The following CENPM variants were observed in gnomAD, a reference collection of about 807,000 sequenced individuals.
CENPM encodes centromere protein M.
Under a neutral mutation model 19.6 loss-of-function variants are expected in CENPM, and 14 were observed. That is an observed-to-expected ratio of 0.71 (90% CI 0.47 to 1.11). CENPM has a LOEUF of 1.11. CENPM is among the 50% of genes most tolerant of loss of function. The probability of loss-of-function intolerance (pLI) is 0.00; values close to 1 mark genes in which losing one functional copy is unlikely to be tolerated. For missense variants in CENPM, 239 were observed against 228.4 expected (o/e 1.05, Z -0.30); for synonymous variants, 114 against 101.5 (o/e 1.12, Z -0.74).
At chr22:41,936,442 G>A (rs965315374), downstream of CENPM, among the ~76,000 whole-genome samples, 5 of 152,350 alleles carry the variant, frequency 3.3e-5, no homozygotes, top group East Asian at 3.9e-4. Context: ...GGAGCCCAAG[G>A]GACTGCCAGG....
At chr22:41,936,998 C>G (rs2077686851), downstream of CENPM, among the ~76,000 whole-genome samples, 1 of 152,148 alleles carries the variant, frequency 6.6e-6, no homozygotes, top group Non-Finnish European at 1.5e-5. Context: ...AGGGCTTCAA[C>G]TGGGGTCCAT....
intron 3 of CENPM, 54 bp from the exon 4 acceptor site, chr22:41,945,358 C>T (rs574285264): frequency 4.4e-5 from 70 of 1,608,364 alleles, no homozygotes; most frequent in African/African-American, 2.7e-4. Context: ...AACTTTACAA[C>T]GGAGAAAGCA....
chr22:41,930,544 C>T, the CENPM span, among the ~76,000 whole-genome samples: 11 of 151,636 alleles, frequency 7.3e-5, no homozygotes, highest in African/African-American at 1.2e-4. Context: ...TCACTCTTAT[C>T]GCCCAGGCTG....
the CENPM span, among the ~76,000 whole-genome samples, chr22:41,929,093 G>A: frequency 6.6e-6 from 1 of 151,422 alleles, no homozygotes; most frequent in African/African-American, 2.4e-5. Flanking sequence ...GTGTGGGTGA[G>A]CGTGGGTGTA....
rs1334672877 is a variant in CENPM at position 41,943,706 on chromosome 22, AAAG to A, written c.311-8_311-6del. 1 of 1,612,952 alleles carries A rather than the reference AAAG, an allele frequency of 6.2e-7. No homozygotes were observed. ...TGCAGTGGCTCTCCCGCCCAGCTGG[AAAG>A]AAGCCATGAGTGCTATAGCTGCAAT... On this transcript the variant is annotated splice_polypyrimidine_tract_variant and splice_region_variant and intron_variant, in intron 4 of 5. Transcript: ENST00000215980.
At chr22:41,933,242 T>C in the CENPM span, among the ~76,000 whole-genome samples, 39 of 151,968 alleles carry the variant, frequency 2.6e-4, no homozygotes, top group Non-Finnish European at 5.3e-4. Flanking sequence ...CTGGTCCCAC[T>C]TTACAAAGAG....
chr22:41,946,935 G>C, intron 1 of CENPM, 85 bp downstream of exon 1: 1 of 1,400,392 alleles, frequency 7.1e-7, no homozygotes, highest in African/African-American at 1.4e-5. Flanking sequence ...CTGGCTTGGC[G>C]CCTCAGAGAG....
the CENPM span, among the ~76,000 whole-genome samples, chr22:41,931,024 C>T: frequency 6.7e-6 from 1 of 149,842 alleles, no homozygotes; most frequent in Non-Finnish European, 1.5e-5. Context: ...TTAGTAGAGA[C>T]GGGGCTTCAC....
At chr22:41,930,127 T>C in the CENPM span, among the ~76,000 whole-genome samples, 1 of 149,564 alleles carries the variant, frequency 6.7e-6, no homozygotes, top group South Asian at 2.1e-4. Context: ...GTATTTTTAG[T>C]AGAGACGGGG....
At chr22:41,945,069 C>T (rs915144909) in intron 4 of CENPM, 156 bp downstream of exon 4, 34 of 1,501,868 alleles carry the variant, frequency 2.3e-5, no homozygotes, top group Non-Finnish European at 2.9e-5. Flanking sequence ...TTTTCCAGAT[C>T]TTCTCCTTCT....
the CENPM span, among the ~76,000 whole-genome samples, chr22:41,927,437 T>C: frequency 6.6e-6 from 1 of 151,552 alleles, no homozygotes; most frequent in Non-Finnish European, 1.5e-5. Context: ...TCCCCTGCCA[T>C]CTCCCCCAAC....
At chr22:41,945,360 G>C (rs575003011) in intron 3 of CENPM, 56 bp from the exon 4 acceptor site, 2 of 1,607,252 alleles carry the variant, frequency 1.2e-6, no homozygotes, top group African/African-American at 2.7e-5. Flanking sequence ...CTTTACAACG[G>C]AGAAAGCAGA....
At chr22:41,934,733 G>A (rs1420866960), downstream of CENPM, among the ~76,000 whole-genome samples, 7 of 152,150 alleles carry the variant, frequency 4.6e-5, no homozygotes, top group African/African-American at 1.2e-4. Context: ...GAAAGGCATC[G>A]GTTAGCCTGG....
downstream of CENPM, among the ~76,000 whole-genome samples, chr22:41,936,622 G>C (rs766535260): frequency 1.3e-5 from 2 of 152,162 alleles, no homozygotes; most frequent in Non-Finnish European, 2.9e-5. Context: ...CTGCGATGGT[G>C]ACATCAAAGC....
chr22:41,939,840 A>AAGAAAGAG (rs2077715221), intron 5 of CENPM, among the ~76,000 whole-genome samples: 1 of 14,030 alleles, frequency 7.1e-5, no homozygotes, highest in African/African-American at 2.2e-4. Flanking sequence ...GAAAGAAAGA[A>AAGAAAGAG]AAAGAAAGAA....
chr22:41,930,463 C>A, the CENPM span, among the ~76,000 whole-genome samples: 4 of 151,994 alleles, frequency 2.6e-5, no homozygotes, highest in Non-Finnish European at 4.4e-5. Context: ...GAACTCCTGA[C>A]CTCAAGTGAT....
At chr22:41,939,852 G>GAAAGAAAGAAAGAAAGAAAGAAAGAA (rs1569425843) in intron 5 of CENPM, among the ~76,000 whole-genome samples, 1 of 9,464 alleles carries the variant, frequency 1.1e-4, no homozygotes, top group Admixed American at 1.1e-3. Context: ...AAGAAAGAAA[G>GAAAGAAAGAAAGAAAGAAAGAAAGAA]AAAGAAAGAA....
At chr22:41,939,615 G>C (rs1284939840) in intron 5 of CENPM, among the ~76,000 whole-genome samples, 1 of 151,580 alleles carries the variant, frequency 6.6e-6, no homozygotes, top group African/African-American at 2.4e-5. Flanking sequence ...AAGGAGGGAG[G>C]GGCAGCGGGT....
intron 4 of CENPM, 78 bp downstream of exon 4, chr22:41,945,147 G>C: frequency 6.2e-7 from 1 of 1,605,232 alleles, no homozygotes; most frequent in Non-Finnish European, 8.5e-7. Flanking sequence ...CACCCAGGGT[G>C]CCTCAGCAAG....
Sources: allele counts gnomAD v4.1 joint callset (sites outside exome capture counted in the v4.1 genomes callset), GRCh38; gene constraint gnomAD v4.1.1; transcripts MANE v1.5; gene names NCBI Gene and HGNC (gene_info 2026-07-23, HGNC 2026-07-21).